The following APOE variants were observed in gnomAD, a reference collection of about 807,000 sequenced individuals.
APOE encodes apolipoprotein E3.
In APOE, 10 loss-of-function variants were observed where a neutral mutation model predicts 13.1. That is an observed-to-expected ratio of 0.76 (90% CI 0.47 to 1.29). The LOEUF is 1.29. APOE is among the 50% of genes most tolerant of loss of function. APOE has a pLI of 0.00. For synonymous variants in APOE, 211 were observed against 207.1 expected, an observed-to-expected ratio of 1.02 and a Z score of -0.16; for missense variants, 471 against 459.6, an observed-to-expected ratio of 1.02 and a Z score of -0.23.
rs1414211279 is a variant in APOE at position 44,905,830 on chromosome 19, C to T, written c.-35C>T. 7 of 1,296,318 alleles carry T rather than the reference C, an allele frequency of 5.4e-6. No homozygotes were observed. The highest frequency in any genetic ancestry group is 1.2e-5 in the South Asian group (1 of 80,602). The allele number at this position is 1,296,318 out of a possible 1,614,324, so 80.3% of individuals were successfully genotyped here. A position where few individuals can be genotyped will look rare whatever the true frequency, so the allele number is the denominator to read the frequency against. ...CCCAGCGGAGGTGAAGGACGTCCTT[C>T]CCCAGGAGCCGGTGAGAAGCGCAGT... On this transcript the variant is annotated 5_prime_UTR_variant, in exon 1 of 4. Coordinates refer to ENST00000252486, the MANE Select transcript of APOE (RefSeq NM_000041.4).
At chr19:44,908,329 C>G (rs1969848489) in intron 3 of APOE, among the ~76,000 whole-genome samples, 1 of 152,172 alleles carries the variant, frequency 6.6e-6, no homozygotes, top group Non-Finnish European at 1.5e-5. Flanking sequence ...AGCCACCTTG[C>G]CCGGCCTCCT....
rs1969892825 is a variant in APOE, at chr19:44,909,306, G to A, written c.*56G>A. On this transcript the variant is annotated 3_prime_UTR_variant, in exon 4 of 4. Transcript: ENST00000252486. ...GCCACCCCGTGCCTCCTGCCTCCGC[G>A]CAGCCTGCAGCGGGAGACCCTGTCC... 11 of 1,518,636 alleles carry A rather than the reference G, an allele frequency of 7.2e-6. No individual in the cohort carries two copies. The highest frequency in any genetic ancestry group is 9.9e-6 in the Non-Finnish European group (11 of 1,112,188). The allele number at this position is 1,518,636 out of a possible 1,614,324, so 94.1% of individuals were successfully genotyped here.
rs753523910 is a variant in APOE at position 44,909,262 on chromosome 19, TGCA to T, written c.*15_*17del. 1 of 1,595,366 alleles carries T rather than the reference TGCA, an allele frequency of 6.3e-7. No individual in the cohort carries two copies. The highest frequency in any genetic ancestry group is 8.5e-7 in the Non-Finnish European group (1 of 1,178,654). On this transcript the variant is annotated 3_prime_UTR_variant, in exon 4 of 4. Transcript: ENST00000252486. The stretch of plus-strand genomic sequence containing the variant: ...GCGACAATCACTGAACGCCGAAGCC[TGCA>T]GCCATGCGACCCCACGCCACCCCGT...
Position 44,909,031 on chromosome 19 carries a change from C to CCGCCT in APOE, c.736_740dup (p.Asp248AlafsTer5). 6.5e-7 allele frequency: 1 copy of CCGCCT among 1,544,718 alleles called. No homozygotes were observed. The highest frequency in any genetic ancestry group is 8.7e-7 in the Non-Finnish European group (1 of 1,150,568). ...AGGAGATGGGCAGCCGGACCCGCGA[C>CCGCCT]CGCCTGGACGAGGTGAAGGAGCAGG... On this transcript the variant is annotated frameshift_variant, in exon 4 of 4. Transcript: ENST00000252486. LOFTEE classifies it low-confidence loss of function (END_TRUNC).
chr19:44,905,910 C>T (rs440446), intron 1 of APOE, 69 bp downstream of exon 1: 4 of 1,294,726 alleles, frequency 3.1e-6, no homozygotes, highest in Non-Finnish European at 3.0e-6. Context: ...ACCCTGGGAA[C>T]CCCTGGCCTC....
rs572713679 is a variant in APOE at position 44,907,041 on chromosome 19, C to A, written c.43+374C>A. 9 of 269,270 alleles carry A rather than the reference C, an allele frequency of 3.3e-5. No individual in the cohort carries two copies. The South Asian group carries it at 4.0e-4, about 12-fold the overall frequency. 16.7% of individuals were successfully genotyped at this position (269,270 alleles called of 1,614,324 possible). ...GACTACAGGCACATGCCACCACACC[C>A]GACTAACTTTTTTGTATTTTCAGTA... On this transcript the variant is annotated intron_variant, in intron 2 of 3. Transcript: ENST00000252486. The surrounding 1 kb of genome is among the most constrained non-coding windows in gnomAD (Gnocchi z 4.1).
rs1169404810 is a variant in APOE at position 44,907,632 on chromosome 19, TC to T, written c.44-122del. ...ATGCTTTCCAAGTGATTAAACCGAC[TC>T]CCCCCTCACCCTGCCCACCATGGCT... On this transcript the variant is annotated intron_variant, in intron 2 of 3. Coordinates refer to ENST00000252486, the MANE Select transcript of APOE (RefSeq NM_000041.4). This position sits in a 1 kb window ranked among gnomAD's most constrained non-coding sequence, Gnocchi z 4.1. 10 of 788,910 alleles carry T rather than the reference TC, an allele frequency of 1.3e-5. No individual in the cohort carries two copies. The highest frequency in any genetic ancestry group is 1.9e-5 in the Non-Finnish European group (9 of 469,226). The allele number at this position is 788,910 out of a possible 1,614,324, so 48.9% of individuals were successfully genotyped here.
In APOE at chr19:44,909,279, A is replaced by G; in HGVS notation, c.*29A>G. 2 of 1,588,608 alleles carry G rather than the reference A, an allele frequency of 1.3e-6. No homozygotes were observed. The highest frequency in any genetic ancestry group is 1.7e-6 in the Non-Finnish European group (2 of 1,173,024). On this transcript the variant is annotated 3_prime_UTR_variant, in exon 4 of 4. Transcript: ENST00000252486. ...CCGAAGCCTGCAGCCATGCGACCCCACGCCACCCCGTGCCTCCTGCCTCCG... is the reference window on the plus strand; with the variant it reads ...CCGAAGCCTGCAGCCATGCGACCCCGCGCCACCCCGTGCCTCCTGCCTCCG...
chr19:44,907,675 G>A lies in APOE; in HGVS notation c.44-85G>A, dbSNP rs1969832552. On this transcript the variant is annotated intron_variant, in intron 2 of 3. Transcript: ENST00000252486. This position sits in a 1 kb window ranked among gnomAD's most constrained non-coding sequence, Gnocchi z 4.1. The stretch of plus-strand genomic sequence containing the variant: ...ACCATGGCTCCAAAGAAGCATTTGT[G>A]GAGCACCTTCTGTGTGCCCCTAGGT... The A allele has an allele frequency of 7.9e-7, 1 of 1,264,232 alleles. No homozygotes were observed. Among genetic ancestry groups the A allele is most frequent in the Admixed American group, 2.0e-5 (1 of 50,636 alleles). 78.3% of individuals were successfully genotyped at this position (1,264,232 alleles called of 1,614,324 possible).
Position 44,907,914 on chromosome 19 carries a change from G to GGA in APOE, c.200_201dup (p.Glu68ArgfsTer12). 1 of 1,613,906 alleles carries GGA rather than the reference G, an allele frequency of 6.2e-7. No individual in the cohort carries two copies. The highest frequency in any genetic ancestry group is 1.3e-5 in the African/African-American group (1 of 75,052). On this transcript the variant is annotated frameshift_variant, in exon 3 of 4. Transcript: ENST00000252486. LOFTEE classifies it low-confidence loss of function (END_TRUNC). This position sits in a 1 kb window ranked among gnomAD's most constrained non-coding sequence, Gnocchi z 4.1. ...TGCAGACACTGTCTGAGCAGGTGCA[G>GGA]GAGGAGCTGCTCAGCTCCCAGGTCA...
chr19:44,908,401 C>A, intron 3 of APOE, 132 bp from the exon 4 acceptor site: 2 of 897,824 alleles, frequency 2.2e-6, no homozygotes, highest in Non-Finnish European at 3.6e-6. Flanking sequence ...TCTCTGTCTC[C>A]TTCTCTCGGC....
chr19:44,909,317 C>T lies in APOE; in HGVS notation c.*67C>T. The T allele has an allele frequency of 6.8e-6, 10 of 1,470,004 alleles. No homozygotes were observed. The highest frequency in any genetic ancestry group is 8.4e-6 in the Non-Finnish European group (9 of 1,068,902). The allele number at this position is 1,470,004 out of a possible 1,614,324, so 91.1% of individuals were successfully genotyped here. The stretch of plus-strand genomic sequence containing the variant: ...CCTCCTGCCTCCGCGCAGCCTGCAG[C>T]GGGAGACCCTGTCCCCGCCCCAGCC... On this transcript the variant is annotated 3_prime_UTR_variant, in exon 4 of 4. Transcript: ENST00000252486.
Position 44,906,580 on chromosome 19 carries a change from T to C in APOE, c.-23-22T>C, listed in dbSNP as rs751468484. 6.8e-6 allele frequency: 11 copies of C among 1,613,790 alleles called. 1 individual carries two copies. The South Asian group carries it at 9.9e-5, about 14-fold the overall frequency. On this transcript the variant is annotated intron_variant, in intron 1 of 3. Transcript: ENST00000252486. ...GGGAGGAGTCCTCACTGGCGGTTGA[T>C]TGACAGTTTCTCCTTCCCCAGACTG...
In APOE at chr19:44,906,269, G is replaced by A. The variant is rs769447; in HGVS notation, c.-23-333G>A. 6.2e-4 allele frequency: 269 copies of A among 435,902 alleles called. 1 individual carries two copies. Among genetic ancestry groups the A allele is most frequent in the Non-Finnish European group, 1.7e-4 (40 of 234,612 alleles). The allele number at this position is 435,902 out of a possible 1,614,324, so 27.0% of individuals were successfully genotyped here. A position where few individuals can be genotyped will look rare whatever the true frequency, so the allele number is the denominator to read the frequency against. The stretch of plus-strand genomic sequence containing the variant: ...CACGGCGCTTAACTGTGAGGTTGGA[G>A]CTTAGAATGTGAAGGGAGAATGAGG... On this transcript the variant is annotated intron_variant, in intron 1 of 3. Coordinates refer to ENST00000252486, the MANE Select transcript of APOE (RefSeq NM_000041.4).
intron 1 of APOE, chr19:44,906,354 T>C (rs1969806580): frequency 3.5e-6 from 2 of 566,398 alleles, no homozygotes; most frequent in African/African-American, 3.8e-5. Context: ...GGATGGAATT[T>C]GAACCCCGGG....
Position 44,907,120 on chromosome 19 carries a change from T to TA in APOE, c.43+453_43+454insA, listed in dbSNP as rs1969823451. The TA allele has an allele frequency of 5.0e-6, 1 of 201,372 alleles. No homozygotes were observed. The allele number at this position is 201,372 out of a possible 1,614,324, so 12.5% of individuals were successfully genotyped here. A position where few individuals can be genotyped will look rare whatever the true frequency, so the allele number is the denominator to read the frequency against. ...CTGGTCTGGAACTCCTGACCTCAGG[T>TA]GATCTGCCCGTTTCGATCTCCCAAA... On this transcript the variant is annotated intron_variant, in intron 2 of 3. Coordinates refer to ENST00000252486, the MANE Select transcript of APOE (RefSeq NM_000041.4). The surrounding 1 kb of genome is among the most constrained non-coding windows in gnomAD (Gnocchi z 4.1).
At chr19:44,905,900 A>C in intron 1 of APOE, 59 bp downstream of exon 1, 4 of 1,296,346 alleles carry the variant, frequency 3.1e-6, no homozygotes, top group South Asian at 1.2e-5. Context: ...AAGAGCTGGG[A>C]CCCTGGGAAC....
In APOE at chr19:44,907,624, A is replaced by G; in HGVS notation, c.44-136A>G. On this transcript the variant is annotated intron_variant, in intron 2 of 3. Transcript: ENST00000252486. This position sits in a 1 kb window ranked among gnomAD's most constrained non-coding sequence, Gnocchi z 4.1. ...AATACATAATGCTTTCCAAGTGATTAAACCGACTCCCCCCTCACCCTGCCC... is the reference window on the plus strand; with the variant it reads ...AATACATAATGCTTTCCAAGTGATTGAACCGACTCCCCCCTCACCCTGCCC... 1.3e-6 allele frequency: 1 copy of G among 757,840 alleles called. No individual in the cohort carries two copies. The highest frequency in any genetic ancestry group is 2.3e-6 in the Non-Finnish European group (1 of 442,394). 46.9% of individuals were successfully genotyped at this position (757,840 alleles called of 1,614,324 possible).
At chr19:44,906,462 G>C (rs1168259986) in intron 1 of APOE, 140 bp from the exon 2 acceptor site, 1 of 861,174 alleles carries the variant, frequency 1.2e-6, no homozygotes, top group Non-Finnish European at 2.0e-6. Context: ...GGGGCGGCTT[G>C]GTAAATGTGC....
Sources: allele counts gnomAD v4.1 joint callset (sites outside exome capture counted in the v4.1 genomes callset), GRCh38; gene constraint gnomAD v4.1.1; non-coding constraint Gnocchi (gnomAD v3.1); transcripts MANE v1.5; gene names NCBI Gene and HGNC (gene_info 2026-07-23, HGNC 2026-07-21).